Variants in PLEKHH3 observed in about 807,000 individuals in gnomAD.
PLEKHH3 encodes pleckstrin homology, MyTH4 and FERM domain containing H3, also known as pleckstrin homology domain-containing family H member 3.
A neutral mutation model predicts 77.8 loss-of-function variants in PLEKHH3; 57 were observed. The ratio of observed to expected loss-of-function variants is 0.73; its 90% CI spans 0.59 to 0.91. The LOEUF (loss-of-function observed/expected upper bound fraction) is 0.91, where lower values mean the gene tolerates loss of function less well. Ranked by LOEUF, PLEKHH3 falls within the 40% of genes least tolerant of loss-of-function variation. PLEKHH3 has a pLI of 0.00. For missense variants in PLEKHH3, 1,082 were observed against 1,091.2 expected, an observed-to-expected ratio of 0.99 and a Z score of 0.12; for synonymous variants, 467 against 504.8, an observed-to-expected ratio of 0.93 and a Z score of 1.00.
At position 42,673,665 on chromosome 17, in the gene PLEKHH3, T is replaced by A. The variant is rs1340387484; in HGVS notation, c.468A>T (p.Pro156=). ...CACCTGTCTCCTTACGCCTGCGCTC[T>A]GGGCCGGTCACCGAGCACAGGCTGG... The part of the protein sequence containing the change: ...VLTSLCSVTG[P]ERRRKETGLW... Residue 156 remains proline, a synonymous_variant, in exon 4 of 13, where the codon CCA becomes CCT. Coordinates refer to ENST00000591022, the MANE Select transcript of PLEKHH3 (RefSeq NM_024927.5). 6.2e-7 allele frequency: 1 copy of A among 1,602,610 alleles called. No individual in the cohort carries two copies. Among genetic ancestry groups the A allele is most frequent in the Non-Finnish European group, 8.5e-7 (1 of 1,179,888 alleles).
At chr17:42,670,820 C>G in intron 9 of PLEKHH3, 115 bp from the exon 10 acceptor site, 1 of 1,518,710 alleles carries the variant, frequency 6.6e-7, no homozygotes, top group African/African-American at 1.4e-5. Context: ...GAGCCGACAG[C>G]GGAGGTGATG....
chr17:42,669,600 G>A lies in PLEKHH3; in HGVS notation c.2035C>T (p.Gln679Ter). 1.9e-6 allele frequency: 3 copies of A among 1,609,186 alleles called. No homozygotes were observed. Among genetic ancestry groups the A allele is most frequent in the Non-Finnish European group, 2.5e-6 (3 of 1,176,740 alleles). The part of the protein sequence containing the change: ...LSTEPGRGAP[Q>*]KLCLGLGAKA... Reference sequence around the variant, plus strand: ...GCTCCCAAGCCCAGGCACAGCTTCTGTGGAGCACCCCGACCAGGCTCCTGC... The same window carrying A: ...GCTCCCAAGCCCAGGCACAGCTTCTATGGAGCACCCCGACCAGGCTCCTGC... The change falls in exon 12 of 13, where the codon CAG becomes TAG. Residue 679 changes from glutamine (Q) to a stop codon, truncating the protein, a stop_gained. Coordinates refer to ENST00000591022, the MANE Select transcript of PLEKHH3 (RefSeq NM_024927.5). LOFTEE classifies it high-confidence loss of function.
In PLEKHH3 at chr17:42,669,994, AT is replaced by A. The variant is rs1216337157; in HGVS notation, c.1936del (p.Met646TrpfsTer24). 3.1e-6 allele frequency: 5 copies of A among 1,607,518 alleles called. No homozygotes were observed. Among genetic ancestry groups the A allele is most frequent in the Non-Finnish European group, 4.2e-6 (5 of 1,178,350 alleles). On this transcript the variant is annotated frameshift_variant, in exon 11 of 13. Coordinates refer to ENST00000591022, the MANE Select transcript of PLEKHH3 (RefSeq NM_024927.5). LOFTEE classifies it high-confidence loss of function. ...RLRGMGRAEA[M>X]AAYLALAAQC... ...CGCCGCCAGGGCCAGGTAGGCGGCC[AT>A]GGCCTCAGCTCGGCCCATGCCCCGT...
chr17:42,674,474 G>A, intron 1 of PLEKHH3, 65 bp from the exon 2 acceptor site: 2 of 1,454,980 alleles, frequency 1.4e-6, no homozygotes, highest in Non-Finnish European at 1.9e-6. Flanking sequence ...CGTGCCTTCT[G>A]CCCTCAGGAC....
At position 42,673,843 on chromosome 17, in the gene PLEKHH3, C is replaced by T. The variant is rs767205460; in HGVS notation, c.299-9G>A. 8.1e-6 allele frequency: 13 copies of T among 1,598,928 alleles called. No homozygotes were observed. Among genetic ancestry groups the T allele is most frequent in the African/African-American group, 1.3e-5 (1 of 74,484 alleles). On this transcript the variant is annotated splice_polypyrimidine_tract_variant and intron_variant, in intron 3 of 12. Transcript: ENST00000591022. ...CTCCCGGTACAGCCAACCTGGGGGCCGGAGAGGGAGGGAAGGGACATCAGT... is the reference window on the plus strand; with the variant it reads ...CTCCCGGTACAGCCAACCTGGGGGCTGGAGAGGGAGGGAAGGGACATCAGT...
At chr17:42,670,736 G>A in intron 9 of PLEKHH3, 31 bp from the exon 10 acceptor site, 1 of 1,599,562 alleles carries the variant, frequency 6.3e-7, no homozygotes, top group South Asian at 1.1e-5. Context: ...AAGCGCTAGG[G>A]AGAAGCCGGA....
chr17:42,673,655 G>T lies in PLEKHH3; in HGVS notation c.478C>A (p.Arg160Ser), dbSNP rs896795923. 2 of 1,602,728 alleles carry T rather than the reference G, an allele frequency of 1.2e-6. No homozygotes were observed. Among genetic ancestry groups the T allele is most frequent in the Admixed American group, 1.7e-5 (1 of 59,992 alleles). ...CAGGAGGTCTCACCTGTCTCCTTAC[G>T]CCTGCGCTCTGGGCCGGTCACCGAG... ...LCSVTGPERR[R>S]KETGLWSVTV... is the part of the protein sequence containing the mutation. The change falls in exon 4 of 13, where the codon CGT (arginine) becomes AGT (serine). Residue 160 changes from arginine to serine, a missense_variant. Physicochemically the swap from Arg to Ser is moderately radical, Grantham distance 110. This residue lies in a region of PLEKHH3 where 344 missense variants were observed against 320.8 expected (regional missense o/e 1.07). Coordinates refer to ENST00000591022, the MANE Select transcript of PLEKHH3 (RefSeq NM_024927.5).
chr17:42,673,189 T>C lies in PLEKHH3; in HGVS notation c.756A>G (p.Gly252=), dbSNP rs754956225. ...LYAPLLPLPY[G]VSAPGPGYAP... Reference sequence around the variant, plus strand: ...GGGACCACTCACCTGGGGCGCTGACTCCATAGGGCAGGGGCAGGAGTGGGG... The same window carrying C: ...GGGACCACTCACCTGGGGCGCTGACCCCATAGGGCAGGGGCAGGAGTGGGG... The change falls in exon 6 of 13, where the codon GGA becomes GGG. Residue 252 remains glycine, a synonymous_variant. Transcript: ENST00000591022. The C allele has an allele frequency of 6.5e-7, 1 of 1,530,444 alleles. No individual in the cohort carries two copies. Among genetic ancestry groups the C allele is most frequent in the Non-Finnish European group, 8.8e-7 (1 of 1,140,588 alleles). The allele number at this position is 1,530,444 out of a possible 1,614,324, so 94.8% of individuals were successfully genotyped here.
In PLEKHH3 at chr17:42,671,124, G is replaced by C; in HGVS notation, c.1291C>G (p.Arg431Gly). The change falls in exon 9 of 13, where the codon CGA (arginine) becomes GGA (glycine). Residue 431 changes from arginine to glycine, a missense_variant. Arg to Gly is a moderately radical substitution (Grantham distance 125). Transcript: ENST00000591022. The surrounding 1 kb of genome is among the most constrained non-coding windows in gnomAD (Gnocchi z 4.7). ...AAGCCCAGCCGCCCCACCAGCTCTCGAGCCACCTAGAAGAGGAGGGTGAGG... is the reference window on the plus strand; with the variant it reads ...AAGCCCAGCCGCCCCACCAGCTCTCCAGCCACCTAGAAGAGGAGGGTGAGG... ...DSHTTAGEVA[R>G]ELVGRLGLAR... 6.3e-7 allele frequency: 1 copy of C among 1,583,710 alleles called. No individual in the cohort carries two copies. Among genetic ancestry groups the C allele is most frequent in the Non-Finnish European group, 8.6e-7 (1 of 1,165,242 alleles).
chr17:42,668,166 G>A lies in PLEKHH3; in HGVS notation c.2343C>T (p.Pro781=), dbSNP rs1353215219. 3 of 1,509,572 alleles carry A rather than the reference G, an allele frequency of 2.0e-6. No individual in the cohort carries two copies. Among genetic ancestry groups the A allele is most frequent in the Non-Finnish European group, 2.6e-6 (3 of 1,136,824 alleles). 93.5% of individuals were successfully genotyped at this position (1,509,572 alleles called of 1,614,324 possible). A position where few individuals can be genotyped will look rare whatever the true frequency, so the allele number is the denominator to read the frequency against. Residue 781 remains proline, a synonymous_variant, in exon 13 of 13, where the codon CCC becomes CCT. Transcript: ENST00000591022. ...GCCCCAAGCAGCCAGACTGTCCCTG[G>A]GGCTCGTCCAGGCCCGGGCGCTGGC... is the stretch of plus-strand genomic sequence containing the variant. ...PPSQRPGLDE[P]QGQSGCLGQL...
At position 42,669,480 on chromosome 17, in the gene PLEKHH3, T is replaced by C; in HGVS notation, c.2155A>G (p.Thr719Ala). 6.3e-7 allele frequency: 1 copy of C among 1,598,560 alleles called. No individual in the cohort carries two copies. The highest frequency in any genetic ancestry group is 8.5e-7 in the Non-Finnish European group (1 of 1,169,738). Residue 719 changes from threonine (T) to alanine (A), a missense_variant, in exon 12 of 13, where the codon ACC becomes GCC. Coordinates refer to ENST00000591022, the MANE Select transcript of PLEKHH3 (RefSeq NM_024927.5). ...VAACQLMGPH[T>A]LALRVGESQL... ...CTCTCTCCCACCCTCAAGGCCAGGGTGTGGGGGCCCATTAGCTGGCAGGCG... is the reference window on the plus strand; with the variant it reads ...CTCTCTCCCACCCTCAAGGCCAGGGCGTGGGGGCCCATTAGCTGGCAGGCG...
chr17:42,668,616 C>G, intron 12 of PLEKHH3: 1 of 175,192 alleles, frequency 5.7e-6, no homozygotes, highest in East Asian at 1.5e-4. Context: ...CGCCAACACG[C>G]CCGGCTAATT....
At position 42,669,548 on chromosome 17, in the gene PLEKHH3, C is replaced by T. The variant is rs1280969999; in HGVS notation, c.2087G>A (p.Gly696Glu). 2 of 1,612,044 alleles carry T rather than the reference C, an allele frequency of 1.2e-6. No individual in the cohort carries two copies. Among genetic ancestry groups the T allele is most frequent in the Admixed American group, 1.7e-5 (1 of 59,964 alleles). Residue 696 changes from glycine to glutamate, a missense_variant, in exon 12 of 13, where the codon GGG becomes GAG. Coordinates refer to ENST00000591022, the MANE Select transcript of PLEKHH3 (RefSeq NM_024927.5). The stretch of plus-strand genomic sequence containing the variant: ...GACACTGTGGATGGGCTCCGTCTCC[C>T]CTGGCCGGGAGAGGGACATGGCCTT... Reference protein sequence around the residue: ...GAKAMSLSRPGETEPIHSVSY... With the variant: ...GAKAMSLSRPEETEPIHSVSY...
At position 42,672,321 on chromosome 17, in the gene PLEKHH3, G is replaced by A. The variant is rs200210041; in HGVS notation, c.841C>T (p.Arg281Trp). 0.011 allele frequency: 17,619 copies of A among 1,547,950 alleles called. 106 individuals carry two copies. The highest frequency in any genetic ancestry group is 0.013 in the Non-Finnish European group (15,326 of 1,146,470). The change falls in exon 7 of 13, where the codon CGG (arginine) becomes TGG (tryptophan). Residue 281 changes from arginine (R) to tryptophan (W), a missense_variant. Transcript: ENST00000591022. ...FLALQALEGA[R>W]RPGPLMQGVL... Reference sequence around the variant, plus strand: ...CCCTGCATCAAGGGCCCGGGGCGCCGCGCCCCCTCCAGCGCCTGCAGCGCC... The same window carrying A: ...CCCTGCATCAAGGGCCCGGGGCGCCACGCCCCCTCCAGCGCCTGCAGCGCC...
At position 42,676,572 on chromosome 17, in the gene PLEKHH3, G is replaced by A. The variant is rs1380052514; in HGVS notation, c.-9C>T. On this transcript the variant is annotated 5_prime_UTR_variant, in exon 1 of 13. Coordinates refer to ENST00000591022, the MANE Select transcript of PLEKHH3 (RefSeq NM_024927.5). The surrounding 1 kb of genome is among the most constrained non-coding windows in gnomAD (Gnocchi z 6.6). ...CCCCCGGGGAGAGGCATCCGGGCGA[G>A]GAGCTGCGGATGGGGGCGCGGGCAG... The A allele has an allele frequency of 1.9e-6, 3 of 1,548,974 alleles. No individual in the cohort carries two copies. The highest frequency in any genetic ancestry group is 2.6e-6 in the Non-Finnish European group (3 of 1,147,802).
chr17:42,674,949 C>T (rs539232479), intron 1 of PLEKHH3: 1 of 153,130 alleles, frequency 6.5e-6, no homozygotes, highest in East Asian at 1.9e-4. Flanking sequence ...ATAGGGCTTT[C>T]TCCAAAAGCG....
Position 42,676,699 on chromosome 17 carries a change from A to G in PLEKHH3, c.-136T>C. The G allele has an allele frequency of 1.1e-6, 1 of 874,818 alleles. No individual in the cohort carries two copies. Among genetic ancestry groups the G allele is most frequent in the Non-Finnish European group, 1.8e-6 (1 of 557,728 alleles). The allele number at this position is 874,818 out of a possible 1,614,324, so 54.2% of individuals were successfully genotyped here. ...CAGAAGGGAGAAGAGGACAGGGAGGAGGCAGTGTCCTGGGCTGGGGTGCAA... is the reference window on the plus strand; with the variant it reads ...CAGAAGGGAGAAGAGGACAGGGAGGGGGCAGTGTCCTGGGCTGGGGTGCAA... On this transcript the variant is annotated 5_prime_UTR_variant, in exon 1 of 13. Coordinates refer to ENST00000591022, the MANE Select transcript of PLEKHH3 (RefSeq NM_024927.5). This position sits in a 1 kb window ranked among gnomAD's most constrained non-coding sequence, Gnocchi z 6.6.
At chr17:42,670,815 G>A (rs2052682462) in intron 9 of PLEKHH3, 110 bp from the exon 10 acceptor site, 2 of 1,516,268 alleles carry the variant, frequency 1.3e-6, no homozygotes, top group Non-Finnish European at 1.8e-6. Context: ...GGGCGGAGCC[G>A]ACAGCGGAGG....
intron 10 of PLEKHH3, 78 bp from the exon 11 acceptor site, chr17:42,670,454 G>A (rs2052668597): frequency 6.6e-7 from 1 of 1,512,360 alleles, no homozygotes; most frequent in East Asian, 2.3e-5. Flanking sequence ...ATCTGAGCAG[G>A]TCTAGGTTCC....
Sources: allele counts gnomAD v4.1 joint callset, GRCh38; gene constraint gnomAD v4.1.1; regional missense constraint gnomAD v4.1.1; non-coding constraint Gnocchi (gnomAD v3.1); transcripts MANE v1.5; gene names NCBI Gene and HGNC (gene_info 2026-07-23, HGNC 2026-07-21).